LRRC37A2: variants seen among roughly 807,000 people sequenced by gnomAD.
LRRC37A2 encodes the protein leucine-rich repeat-containing protein 37A2.
Under a neutral mutation model 68.8 loss-of-function variants are expected in LRRC37A2, and 9 were observed. The ratio of observed to expected loss-of-function variants is 0.13; its 90% CI spans 0.08 to 0.23. The LOEUF is 0.23. LRRC37A2 is among the 10% of genes least tolerant of loss of function. The pLI is 1.00. For missense variants in LRRC37A2, 168 were observed against 950.4 expected (o/e 0.18, Z 10.82); for synonymous variants, 63 against 367.6 (o/e 0.17, Z 9.48).
At chr17:46,791,760 T>C in the LRRC37A2 span, among the ~76,000 whole-genome samples, 167 of 152,328 alleles carry the variant, frequency 1.1e-3, no homozygotes, top group African/African-American at 3.3e-3. Context: ...AATCTCTCTC[T>C]CTGGCATGGT....
At chr17:47,012,736 G>C in the LRRC37A2 span, among the ~76,000 whole-genome samples, 1 of 152,190 alleles carries the variant, frequency 6.6e-6, no homozygotes, top group Non-Finnish European at 1.5e-5. Flanking sequence ...ACAAATATTG[G>C]TGAAGATGTA....
the LRRC37A2 span, among the ~76,000 whole-genome samples, chr17:46,475,812 G>GAAAAA: frequency 1.4e-5 from 1 of 72,924 alleles, no homozygotes; most frequent in East Asian, 2.9e-4. Flanking sequence ...GACTTCTGGG[G>GAAAAA]AAAAAAAAAA....
chr17:46,808,244 A>G, the LRRC37A2 span, among the ~76,000 whole-genome samples: 1 of 152,240 alleles, frequency 6.6e-6, no homozygotes, highest in Non-Finnish European at 1.5e-5. Flanking sequence ...GCTGTCAGCA[A>G]CTGTGCAATC....
chr17:46,473,971 CATT>C, the LRRC37A2 span, among the ~76,000 whole-genome samples: 2 of 108,486 alleles, frequency 1.8e-5, no homozygotes, highest in African/African-American at 6.6e-5. Flanking sequence ...TCCTCAGTCT[CATT>C]ATGCTCATTT....
the LRRC37A2 span, among the ~76,000 whole-genome samples, chr17:46,943,954 A>G: frequency 1.3e-5 from 2 of 151,932 alleles, no homozygotes; most frequent in Non-Finnish European, 2.9e-5. Context: ...AGGCGTGACT[A>G]ATGCAGGGTA....
At chr17:46,722,190 C>T in the LRRC37A2 span, 2 of 1,602,342 alleles carry the variant, frequency 1.2e-6, no homozygotes, top group South Asian at 2.2e-5. Flanking sequence ...GGAGAACTTG[C>T]AGCGCCTGCT....
the LRRC37A2 span, among the ~76,000 whole-genome samples, chr17:46,723,196 A>G: frequency 6.6e-6 from 1 of 152,234 alleles, no homozygotes. Context: ...AAGGAAAAAC[A>G]TAGAACTACT....
At chr17:46,997,453 G>T in the LRRC37A2 span, among the ~76,000 whole-genome samples, 1 of 152,162 alleles carries the variant, frequency 6.6e-6, no homozygotes, top group Admixed American at 6.5e-5. Context: ...CAAAAAGGAA[G>T]TCACTAGACA....
the LRRC37A2 span, among the ~76,000 whole-genome samples, chr17:46,985,738 G>A: frequency 1.3e-5 from 2 of 152,202 alleles, no homozygotes; most frequent in African/African-American, 2.4e-5. Context: ...CATTGGACAA[G>A]TGAACCATCC....
chr17:46,910,424 C>T, the LRRC37A2 span, among the ~76,000 whole-genome samples: 4 of 152,148 alleles, frequency 2.6e-5, no homozygotes, highest in East Asian at 3.9e-4. Context: ...CCAGATCCTC[C>T]GAGTGCCGCT....
the LRRC37A2 span, among the ~76,000 whole-genome samples, chr17:46,707,179 G>T: frequency 6.6e-6 from 1 of 152,080 alleles, no homozygotes; most frequent in Admixed American, 6.6e-5. Context: ...ATTCAGTTAG[G>T]TGTAAAATGA....
At chr17:46,959,648 T>C in the LRRC37A2 span, among the ~76,000 whole-genome samples, 2 of 152,246 alleles carry the variant, frequency 1.3e-5, no homozygotes, top group African/African-American at 2.4e-5. Context: ...CTCCCATGGA[T>C]AGCAGTCCCC....
chr17:46,840,624 T>A, the LRRC37A2 span, among the ~76,000 whole-genome samples: 1 of 152,252 alleles, frequency 6.6e-6, no homozygotes, highest in Non-Finnish European at 1.5e-5. Context: ...ACCAACAGTG[T>A]AAAAGTGTTC....
At chr17:46,878,364 C>A in the LRRC37A2 span, among the ~76,000 whole-genome samples, 2 of 152,242 alleles carry the variant, frequency 1.3e-5, no homozygotes, top group Non-Finnish European at 2.9e-5. Flanking sequence ...TGTGCCCTGG[C>A]CAACTCCCTG....
the LRRC37A2 span, among the ~76,000 whole-genome samples, chr17:46,502,521 C>T: frequency 1.8e-3 from 275 of 150,916 alleles, 5 homozygotes; most frequent in Non-Finnish European, 2.7e-3. Flanking sequence ...AGGCTGGTCT[C>T]GAACTCCTGA....
the LRRC37A2 span, among the ~76,000 whole-genome samples, chr17:47,043,526 C>A: frequency 1.3e-5 from 2 of 151,626 alleles, no homozygotes; most frequent in South Asian, 4.2e-4. Context: ...TGGTCTCTGC[C>A]CTCAAAGCGC....
the LRRC37A2 span, among the ~76,000 whole-genome samples, chr17:46,985,920 C>A: frequency 6.6e-6 from 1 of 152,208 alleles, no homozygotes; most frequent in Admixed American, 6.5e-5. Flanking sequence ...GTCTGTACCT[C>A]GTCTACCCCA....
the LRRC37A2 span, among the ~76,000 whole-genome samples, chr17:46,804,489 C>CCT: frequency 5.1e-4 from 77 of 152,220 alleles, no homozygotes; most frequent in Non-Finnish European, 9.7e-4. Flanking sequence ...AAGGGAAGTG[C>CCT]TGTAAGACAC....
chr17:46,784,294 G>A, the LRRC37A2 span, among the ~76,000 whole-genome samples: 1 of 152,210 alleles, frequency 6.6e-6, no homozygotes, highest in Non-Finnish European at 1.5e-5. Flanking sequence ...AAGCAAAGCA[G>A]CTTTGGGAAC....
Sources: gnomAD v4.1 joint callset for allele counts (sites outside exome capture counted in the v4.1 genomes callset) on GRCh38, gnomAD v4.1.1 for gene constraint, MANE v1.5 for transcripts, NCBI Gene and HGNC (gene_info 2026-07-23, HGNC 2026-07-21) for gene names.